GABRB3: variants seen among roughly 807,000 people sequenced by gnomAD.
GABRB3 encodes gamma-aminobutyric acid type A receptor subunit beta3, also known as gamma-aminobutyric acid receptor subunit beta-3.
A neutral mutation model predicts 52.1 loss-of-function variants in GABRB3; 14 were observed. That is an observed-to-expected ratio of 0.27 (90% confidence interval 0.18 to 0.42). The LOEUF (loss-of-function observed/expected upper bound fraction) is 0.42, where lower values mean the gene tolerates loss of function less well. Ranked by LOEUF, GABRB3 falls within the 10% of genes least tolerant of loss-of-function variation. The pLI is 1.00. For synonymous variants in GABRB3, 260 were observed against 232.3 expected (o/e 1.12, Z -1.08); for missense variants, 307 against 609.1 (o/e 0.50, Z 5.22).
intron 3 of GABRB3, among the ~76,000 whole-genome samples, chr15:26,622,045 A>G (rs1421125356): frequency 6.6e-6 from 1 of 152,134 alleles, no homozygotes; most frequent in Non-Finnish European, 1.5e-5. Flanking sequence ...GACACAAGGG[A>G]CTGTGGGAGG....
At chr15:26,701,068 CA>C (rs1888919890) in intron 3 of GABRB3, among the ~76,000 whole-genome samples, 1 of 151,238 alleles carries the variant, frequency 6.6e-6, no homozygotes, top group African/African-American at 2.4e-5. Flanking sequence ...AAAAAAACAA[CA>C]AAAAAACTCT....
At position 26,604,743 on chromosome 15, in the gene GABRB3, C is replaced by T. The variant is rs113178940; in HGVS notation, c.461+16571G>A. On this transcript the variant is annotated intron_variant, in intron 4 of 8. Transcript: ENST00000311550. Reference sequence around the variant, plus strand: ...GAAGAACGAAACTTGACCCCTATCTCGCACCTTATATAAAAATCAAATCAA... The same window carrying T: ...GAAGAACGAAACTTGACCCCTATCTTGCACCTTATATAAAAATCAAATCAA... 5.9e-5 allele frequency among the ~76,000 whole-genome samples: 9 copies of T among 152,124 alleles called. 1 individual carries two copies. Among genetic ancestry groups the T allele is most frequent in the South Asian group, 2.1e-4 (1 of 4,824 alleles).
chr15:26,705,760 G>C (rs964242799), intron 3 of GABRB3, among the ~76,000 whole-genome samples: 1 of 152,152 alleles, frequency 6.6e-6, no homozygotes, highest in Non-Finnish European at 1.5e-5. Context: ...AAACATTTGG[G>C]GGTAGATGAA....
intron 3 of GABRB3, among the ~76,000 whole-genome samples, chr15:26,632,481 G>A (rs940661212): frequency 2.6e-5 from 4 of 152,202 alleles, no homozygotes; most frequent in African/African-American, 9.6e-5. Flanking sequence ...TTCTTTATAA[G>A]TCTAAAAAGA....
intron 3 of GABRB3, among the ~76,000 whole-genome samples, chr15:26,633,834 T>C (rs1478931448): frequency 6.6e-6 from 1 of 152,190 alleles, no homozygotes; most frequent in African/African-American, 2.4e-5. Context: ...CCCTTCCCCT[T>C]TCTAAACCAA....
intron 3 of GABRB3, among the ~76,000 whole-genome samples, chr15:26,679,622 T>C (rs1253980036): frequency 6.6e-6 from 1 of 152,056 alleles, no homozygotes; most frequent in Non-Finnish European, 1.5e-5. Flanking sequence ...TAGCAGAGAA[T>C]ATTAGAACTG....
In GABRB3 at chr15:26,621,667, G is replaced by T; in HGVS notation, c.241-133C>A. The T allele has an allele frequency of 1.5e-6, 1 of 688,808 alleles. No homozygotes were observed. The highest frequency in any genetic ancestry group is 2.5e-6 in the Non-Finnish European group (1 of 399,998). The allele number at this position is 688,808 out of a possible 1,614,324, so 42.7% of individuals were successfully genotyped here. On this transcript the variant is annotated intron_variant, in intron 3 of 8. Coordinates refer to ENST00000311550, the MANE Select transcript of GABRB3 (RefSeq NM_000814.6). The surrounding 1 kb of genome is among the most constrained non-coding windows in gnomAD (Gnocchi z 4.1). ...CAGGAGAAACGGATGCCATTTTTAT[G>T]CAGAATGGGAAGCAATGGCTGCTTT... is the stretch of plus-strand genomic sequence containing the variant.
intron 3 of GABRB3, among the ~76,000 whole-genome samples, chr15:26,642,896 CTT>C (rs1285056635): frequency 6.6e-6 from 1 of 152,106 alleles, no homozygotes; most frequent in Non-Finnish European, 1.5e-5. Context: ...CAGTCCACAG[CTT>C]GGGGGTTGAT....
At chr15:26,571,470 A>T (rs952300220) in intron 6 of GABRB3, among the ~76,000 whole-genome samples, 1 of 152,216 alleles carries the variant, frequency 6.6e-6, no homozygotes, top group African/African-American at 2.4e-5. Flanking sequence ...CCCAGAGAAG[A>T]GCAGCAAATA....
chr15:26,597,397 G>A (rs2140772269), intron 4 of GABRB3, among the ~76,000 whole-genome samples: 1 of 152,328 alleles, frequency 6.6e-6, no homozygotes, highest in South Asian at 2.1e-4. Flanking sequence ...CACCTTCCAA[G>A]TGGCATACAA....
intron 3 of GABRB3, among the ~76,000 whole-genome samples, chr15:26,647,308 T>C (rs1887044204): frequency 6.6e-6 from 1 of 152,266 alleles, no homozygotes; most frequent in African/African-American, 2.4e-5. Flanking sequence ...TGAATTGTTT[T>C]TCAGTCTCTT....
chr15:26,560,275 C>G (rs1889930162), intron 8 of GABRB3, among the ~76,000 whole-genome samples: 1 of 152,178 alleles, frequency 6.6e-6, no homozygotes, highest in African/African-American at 2.4e-5. Context: ...CTACACAAAG[C>G]TGATGCAAGT....
chr15:26,738,593 G>A (rs74004660), intron 3 of GABRB3, among the ~76,000 whole-genome samples: 3,620 of 152,170 alleles, frequency 0.024, 155 homozygotes, highest in African/African-American at 0.08. Flanking sequence ...ACTGCAAACC[G>A]CAAGGACTGA....
chr15:26,667,817 C>T (rs1483823390), intron 3 of GABRB3, among the ~76,000 whole-genome samples: 1 of 152,164 alleles, frequency 6.6e-6, no homozygotes, highest in Non-Finnish European at 1.5e-5. Flanking sequence ...GAAACAATCC[C>T]TCCACGTGAC....
At chr15:26,571,441 C>T (rs4906680) in intron 6 of GABRB3, among the ~76,000 whole-genome samples, 28 of 152,120 alleles carry the variant, frequency 1.8e-4, no homozygotes, top group Admixed American at 5.2e-4. Flanking sequence ...GTCAGGAGAA[C>T]GGGAATGTTT....
chr15:26,634,752 G>A (rs1893000277), intron 3 of GABRB3, among the ~76,000 whole-genome samples: 1 of 151,638 alleles, frequency 6.6e-6, no homozygotes, highest in Admixed American at 6.6e-5. Flanking sequence ...CTGGTAAACT[G>A]CAGAGTCATT....
chr15:26,726,868 TA>T (rs1889787634), intron 3 of GABRB3, among the ~76,000 whole-genome samples: 2 of 152,148 alleles, frequency 1.3e-5, no homozygotes, highest in Admixed American at 1.3e-4. Flanking sequence ...TATTTCTCAT[TA>T]AAATTTCACA....
intron 3 of GABRB3, among the ~76,000 whole-genome samples, chr15:26,701,827 A>G (rs1219767794): frequency 6.6e-6 from 1 of 152,224 alleles, no homozygotes; most frequent in Non-Finnish European, 1.5e-5. Flanking sequence ...CCTTATTTCA[A>G]GAGTTATTTT....
At chr15:26,563,317 CACAGGCTCAGGA>C (rs1256982440) in intron 7 of GABRB3, among the ~76,000 whole-genome samples, 3 of 152,210 alleles carry the variant, frequency 2.0e-5, no homozygotes, top group Non-Finnish European at 2.9e-5. Flanking sequence ...GGCTGATTGG[CACAGGCTCAGGA>C]ATCCCTAACA....
Sources: gnomAD v4.1 joint callset for allele counts (sites outside exome capture counted in the v4.1 genomes callset) on GRCh38, gnomAD v4.1.1 for gene constraint, Gnocchi (gnomAD v3.1) non-coding constraint, MANE v1.5 for transcripts, NCBI Gene and HGNC (gene_info 2026-07-23, HGNC 2026-07-21) for gene names.